CHIC1: variants seen among roughly 807,000 people sequenced by gnomAD.
CHIC1 encodes cysteine-rich hydrophobic domain-containing protein 1.
Under a neutral mutation model 18.5 loss-of-function variants are expected in CHIC1, and 7 were observed. The ratio of observed to expected loss-of-function variants is 0.38; its 90% confidence interval spans 0.22 to 0.71. The LOEUF is 0.71. Among genes scored for constraint, CHIC1 ranks in the 30% least tolerant of loss-of-function variants. CHIC1 has a pLI of 0.49. For missense variants in CHIC1, 159 were observed against 176.9 expected, an observed-to-expected ratio of 0.90 and a Z score of 0.57; for synonymous variants, 77 against 73.5, an observed-to-expected ratio of 1.05 and a Z score of -0.25.
chrX:73,665,857 G>A (rs759533302), intron 3 of CHIC1, among the ~76,000 whole-genome samples: 2 of 111,601 alleles, frequency 1.8e-5, no homozygotes, highest in Non-Finnish European at 3.8e-5. Flanking sequence ...CAACAGCCAC[G>A]GCCCTGACAA....
intron 3 of CHIC1, among the ~76,000 whole-genome samples, chrX:73,663,250 A>T (rs1408045710): frequency 9.0e-6 from 1 of 110,823 alleles, no homozygotes; most frequent in East Asian, 2.9e-4. Flanking sequence ...GGGCTTTTTG[A>T]TTGTTCTATG....
Position 73,676,503 on chromosome X carries a change from C to A in CHIC1, c.508-2823C>A, listed in dbSNP as rs1309812356. Among the ~76,000 whole-genome samples the A allele has an allele frequency of 2.7e-5, 3 of 111,944 alleles. No homozygotes were observed. In the East Asian group the frequency reaches 8.4e-4, roughly 31 times the overall value. On this transcript the variant is annotated intron_variant, in intron 3 of 5. Coordinates refer to ENST00000373502, the MANE Select transcript of CHIC1 (RefSeq NM_001039840.4). ...CATTTCGTCTTCCATCACTGATACC[C>A]TTTCTTCCAGTTGATCTCATCGGCT...
intron 3 of CHIC1, among the ~76,000 whole-genome samples, chrX:73,655,528 A>G (rs1029336184): frequency 8.5e-4 from 65 of 76,339 alleles, no homozygotes; most frequent in African/African-American, 3.7e-3. Flanking sequence ...AATATTGTGT[A>G]TATATATATA....
intron 3 of CHIC1, among the ~76,000 whole-genome samples, chrX:73,628,786 T>C (rs1390898184): frequency 3.6e-5 from 4 of 111,023 alleles, no homozygotes; most frequent in Non-Finnish European, 7.6e-5. Flanking sequence ...CTTATGAAAG[T>C]GTTATTTCTT....
At chrX:73,679,233 G>A in intron 3 of CHIC1, 93 bp from the exon 4 acceptor site, 1 of 531,024 alleles carries the variant, frequency 1.9e-6, no homozygotes, top group Non-Finnish European at 3.2e-6. Context: ...AGATAGTAAT[G>A]GGATGTTACA....
chrX:73,649,209 T>G (rs376047750), intron 3 of CHIC1, among the ~76,000 whole-genome samples: 1 of 110,975 alleles, frequency 9.0e-6, no homozygotes, highest in East Asian at 2.8e-4. Flanking sequence ...GCACTAAATA[T>G]GGAAAGGAAA....
chrX:73,610,400 A>G (rs2057702191), intron 3 of CHIC1, among the ~76,000 whole-genome samples: 1 of 106,039 alleles, frequency 9.4e-6, no homozygotes, highest in Non-Finnish European at 1.9e-5. Flanking sequence ...GGTTGCACCC[A>G]CTGACTAACC....
At chrX:73,585,084 A>G (rs2057546665) in intron 3 of CHIC1, among the ~76,000 whole-genome samples, 2 of 111,478 alleles carry the variant, frequency 1.8e-5, no homozygotes, top group African/African-American at 3.2e-5. Flanking sequence ...GTTTTTGTAA[A>G]TTTTTTCCTC....
chrX:73,619,060 C>G (rs1800303068), intron 3 of CHIC1, among the ~76,000 whole-genome samples: 1 of 112,054 alleles, frequency 8.9e-6, no homozygotes, highest in Admixed American at 9.4e-5. Flanking sequence ...CTCCCATGAT[C>G]TGGACCTTAG....
At chrX:73,584,674 A>G in intron 3 of CHIC1, 102 bp downstream of exon 3, 1 of 574,551 alleles carries the variant, frequency 1.7e-6, no homozygotes, top group East Asian at 3.8e-5. Context: ...CAATTTAGTT[A>G]ATTCTTGTAA....
At chrX:73,657,772 T>C (rs930257122) in intron 3 of CHIC1, among the ~76,000 whole-genome samples, 1 of 108,340 alleles carries the variant, frequency 9.2e-6, no homozygotes, top group Admixed American at 9.7e-5. Context: ...ATGGCTCTTA[T>C]CATTTTGAGG....
At chrX:73,672,316 T>C (rs2071087579) in intron 3 of CHIC1, among the ~76,000 whole-genome samples, 1 of 111,706 alleles carries the variant, frequency 9.0e-6, no homozygotes, top group Admixed American at 9.5e-5. Flanking sequence ...ATGGTATTTC[T>C]AGTTCTAGAT....
At chrX:73,569,923 T>G (rs1004230662) in intron 1 of CHIC1, among the ~76,000 whole-genome samples, 2 of 111,445 alleles carry the variant, frequency 1.8e-5, no homozygotes, top group Non-Finnish European at 3.8e-5. Context: ...AGCAACACTT[T>G]AGTTACCATT....
Position 73,563,378 on chromosome X carries a change from CCGTCGTCGT to C in CHIC1, c.103_111del (p.Ser35_Ser37del), listed in dbSNP as rs760149927. 27 of 1,150,408 alleles carry C rather than the reference CCGTCGTCGT, an allele frequency of 2.3e-5. No homozygotes were observed. In the South Asian group the frequency reaches 3.4e-4, roughly 14 times the overall value. The allele number at this position is 1,150,408 out of a possible 1,213,427, so 94.8% of individuals were successfully genotyped here. On this transcript the variant is annotated inframe_deletion, in exon 1 of 6. Transcript: ENST00000373502. Reference sequence around the variant, plus strand: ...AGAAGCGGCAACGTCGTCGTCGTCGCCGTCGTCGTCGTCGTCGGTATCTGGGCCCGACGA... The same window carrying C: ...AGAAGCGGCAACGTCGTCGTCGTCGCCGTCGTCGGTATCTGGGCCCGACGA...
At chrX:73,616,084 C>A (rs2057731553) in intron 3 of CHIC1, among the ~76,000 whole-genome samples, 1 of 110,382 alleles carries the variant, frequency 9.1e-6, no homozygotes, top group African/African-American at 3.3e-5. Flanking sequence ...GGCCCCCCTC[C>A]CCCCAGGCAG....
intron 3 of CHIC1, among the ~76,000 whole-genome samples, chrX:73,650,038 A>G (rs1322703143): frequency 8.9e-6 from 1 of 112,402 alleles, no homozygotes; most frequent in Non-Finnish European, 1.9e-5. Context: ...AAACTCACTC[A>G]AAAACCACAC....
chrX:73,679,754 T>A, intron 5 of CHIC1, 41 bp downstream of exon 5: 1 of 716,473 alleles, frequency 1.4e-6, no homozygotes, highest in Admixed American at 4.6e-5. Context: ...TTATTCATTC[T>A]AAATGTACCA....
At chrX:73,604,644 T>G (rs2057670136) in intron 3 of CHIC1, among the ~76,000 whole-genome samples, 1 of 109,251 alleles carries the variant, frequency 9.2e-6, no homozygotes, top group South Asian at 3.7e-4. Context: ...GGGCATTTAG[T>G]GCTCTAAATT....
intron 3 of CHIC1, among the ~76,000 whole-genome samples, chrX:73,677,032 G>T (rs2058068660): frequency 9.0e-6 from 1 of 111,654 alleles, no homozygotes; most frequent in Admixed American, 9.5e-5. Flanking sequence ...CAGCAGGGGT[G>T]GCTGCAGAAC....
Sources: gnomAD v4.1 joint callset for allele counts (sites outside exome capture counted in the v4.1 genomes callset) on GRCh38, gnomAD v4.1.1 for gene constraint, MANE v1.5 for transcripts, NCBI Gene and HGNC (gene_info 2026-07-23, HGNC 2026-07-21) for gene names.